Variants in CNTN4 observed in about 807,000 individuals in gnomAD.
CNTN4 encodes the protein contactin-4.
In CNTN4, 77 loss-of-function variants were observed where a neutral mutation model predicts 122.5. The observed-to-expected ratio is 0.63, with a 90% confidence interval of 0.52 to 0.76. CNTN4 has a LOEUF of 0.76. Ranked by LOEUF, CNTN4 falls within the 30% of genes least tolerant of loss-of-function variation. CNTN4 has a pLI of 0.00. For missense variants in CNTN4, 1,256 were observed against 1,259.1 expected (o/e 1.00, Z 0.04); for synonymous variants, 512 against 447.0 (o/e 1.15, Z -1.83).
intron 2 of CNTN4, among the ~76,000 whole-genome samples, chr3:2,300,812 A>C (rs956189735): frequency 6.6e-6 from 1 of 151,718 alleles, no homozygotes; most frequent in Non-Finnish European, 1.5e-5. Context: ...CTTGTGATCC[A>C]CCCACCTCGG....
chr3:3,045,867 T>C (rs1398845221), intron 23 of CNTN4, among the ~76,000 whole-genome samples: 1 of 152,016 alleles, frequency 6.6e-6, no homozygotes, highest in Non-Finnish European at 1.5e-5. Context: ...CCCAAAGAAG[T>C]TGAAAACCTT....
intron 6 of CNTN4, among the ~76,000 whole-genome samples, chr3:2,755,007 GGTA>G (rs747360683): frequency 1.4e-4 from 22 of 152,260 alleles, no homozygotes; most frequent in Middle Eastern, 3.4e-3. Context: ...TGGTGGTAGT[GGTA>G]GTGGTGGTGG....
intron 7 of CNTN4, among the ~76,000 whole-genome samples, chr3:2,851,180 G>A (rs141099865): frequency 6.6e-6 from 1 of 152,210 alleles, no homozygotes; most frequent in African/African-American, 2.4e-5. Context: ...CGAATATACA[G>A]TTGCAAGTGT....
In CNTN4 at chr3:2,777,997, G is replaced by A. The variant is rs532868358; in HGVS notation, c.358+32300G>A. ...TGGGAGGCCGAGGTGGGCGGATCAT[G>A]AGGTCAGGAGATCGAGGCCATCCTG... On this transcript the variant is annotated intron_variant, in intron 6 of 24. Transcript: ENST00000418658. 1.1e-4 allele frequency among the ~76,000 whole-genome samples: 17 copies of A among 151,890 alleles called. No homozygotes were observed. The East Asian group carries it at 2.1e-3, about 19-fold the overall frequency.
At chr3:2,132,965 G>T in intron 2 of CNTN4, among the ~76,000 whole-genome samples, 1 of 152,300 alleles carries the variant, frequency 6.6e-6, no homozygotes, top group South Asian at 2.1e-4. Flanking sequence ...ATGTCAAAGA[G>T]AAGTTGGTTC....
At chr3:2,382,828 C>A (rs956198846) in intron 3 of CNTN4, among the ~76,000 whole-genome samples, 2 of 152,148 alleles carry the variant, frequency 1.3e-5, no homozygotes, top group Admixed American at 6.5e-5. Context: ...AACCCCAGCA[C>A]TTCGGGAGGC....
intron 2 of CNTN4, among the ~76,000 whole-genome samples, chr3:2,167,737 C>T (rs1326949614): frequency 2.6e-5 from 4 of 152,134 alleles, no homozygotes; most frequent in South Asian, 4.1e-4. Flanking sequence ...TGAAAACATT[C>T]GAACAAAATA....
At chr3:2,121,491 C>T (rs1198544701) in intron 2 of CNTN4, among the ~76,000 whole-genome samples, 2 of 134,316 alleles carry the variant, frequency 1.5e-5, no homozygotes, top group South Asian at 2.3e-4. Flanking sequence ...AGTGAGACTC[C>T]GTCTCAAAAA....
At chr3:2,132,718 A>T (rs2034509730) in intron 2 of CNTN4, among the ~76,000 whole-genome samples, 1 of 152,120 alleles carries the variant, frequency 6.6e-6, no homozygotes, top group Admixed American at 6.6e-5. Flanking sequence ...ACTCGTATTT[A>T]TATTTTCACA....
At chr3:3,014,317 CATTT>C (rs1697539543) in intron 14 of CNTN4, among the ~76,000 whole-genome samples, 1 of 152,108 alleles carries the variant, frequency 6.6e-6, no homozygotes, top group Non-Finnish European at 1.5e-5. Context: ...ACCTACTTGT[CATTT>C]TAGAGAACAG....
chr3:2,900,708 A>T lies in CNTN4; in HGVS notation c.964A>T (p.Ile322Leu). ...AGCTCAACCTAATTGGATTCAAAAA[A>T]TAAATGATATTCACGTGGCCATGGA... The part of the protein sequence containing the change: ...FYAQPNWIQK[I>L]NDIHVAMEEN... The change falls in exon 11 of 25, where the codon ATA becomes TTA. Residue 322 changes from isoleucine (I) to leucine (L), a missense_variant. By Grantham distance (5) the Ile-to-Leu change is conservative. Coordinates refer to ENST00000418658, the MANE Select transcript of CNTN4 (RefSeq NM_175607.3). 6.2e-7 allele frequency: 1 copy of T among 1,613,862 alleles called. No individual in the cohort carries two copies. The highest frequency in any genetic ancestry group is 8.5e-7 in the Non-Finnish European group (1 of 1,179,746).
intron 2 of CNTN4, among the ~76,000 whole-genome samples, chr3:2,103,762 C>A (rs1157915799): frequency 6.6e-6 from 1 of 152,100 alleles, no homozygotes; most frequent in East Asian, 1.9e-4. Flanking sequence ...ACTAAGGGGA[C>A]TGTATATATA....
chr3:2,631,873 A>AAAC (rs1327934086), intron 4 of CNTN4, among the ~76,000 whole-genome samples: 6 of 140,968 alleles, frequency 4.3e-5, no homozygotes, highest in African/African-American at 1.9e-4. Context: ...TACAAAAAAA[A>AAAC]AAAAACAAAA....
intron 2 of CNTN4, among the ~76,000 whole-genome samples, chr3:2,159,999 G>C (rs527434843): frequency 1.9e-3 from 290 of 151,814 alleles, no homozygotes; most frequent in Non-Finnish European, 2.4e-3. Flanking sequence ...TCTTTGCTTT[G>C]TGTTTCCTCT....
intron 13 of CNTN4, among the ~76,000 whole-genome samples, chr3:2,958,068 T>A (rs969365747): frequency 6.6e-5 from 10 of 152,172 alleles, no homozygotes; most frequent in Admixed American, 2.6e-4. Flanking sequence ...GATGGGAGGC[T>A]GTTGCATTTT....
intron 2 of CNTN4, among the ~76,000 whole-genome samples, chr3:2,324,334 A>G (rs909628412): frequency 6.6e-6 from 1 of 152,166 alleles, no homozygotes; most frequent in African/African-American, 2.4e-5. Context: ...CTTGTAAGAT[A>G]CACACGCACA....
chr3:2,539,735 C>T (rs746055735), intron 3 of CNTN4, among the ~76,000 whole-genome samples: 22 of 152,044 alleles, frequency 1.4e-4, no homozygotes, highest in African/African-American at 4.8e-4. Context: ...AACAGATTTC[C>T]GAGCTTTGCT....
intron 2 of CNTN4, among the ~76,000 whole-genome samples, chr3:2,194,020 CT>C (rs554571110): frequency 5.3e-5 from 8 of 152,106 alleles, no homozygotes; most frequent in Non-Finnish European, 1.0e-4. Flanking sequence ...ATGTGTGACT[CT>C]TTTCAGTTCA....
At chr3:2,205,332 G>T (rs1342913181) in intron 2 of CNTN4, among the ~76,000 whole-genome samples, 1 of 148,650 alleles carries the variant, frequency 6.7e-6, no homozygotes, top group Non-Finnish European at 1.5e-5. Context: ...AATTTATTTT[G>T]TAATATAATT....
Sources: allele counts gnomAD v4.1 joint callset (sites outside exome capture counted in the v4.1 genomes callset), GRCh38; gene constraint gnomAD v4.1.1; transcripts MANE v1.5; gene names NCBI Gene and HGNC (gene_info 2026-07-23, HGNC 2026-07-21).